IGSF11: variants seen among roughly 807,000 people sequenced by gnomAD.
IGSF11 encodes immunoglobulin superfamily member 11.
A neutral mutation model predicts 41.0 loss-of-function variants in IGSF11; 22 were observed. That is an observed-to-expected ratio of 0.54 (90% CI 0.38 to 0.77). The LOEUF is 0.77. Among genes scored for constraint, IGSF11 ranks in the 30% least tolerant of loss-of-function variants. The pLI is 0.00. For synonymous variants in IGSF11, 219 were observed against 201.3 expected (o/e 1.09, Z -0.74); for missense variants, 444 against 530.8 (o/e 0.84, Z 1.61).
chr3:118,907,675 C>T (rs905767934), intron 4 of IGSF11, among the ~76,000 whole-genome samples: 1 of 152,146 alleles, frequency 6.6e-6, no homozygotes, highest in African/African-American at 2.4e-5. Context: ...ATTTAATGTT[C>T]GTAACAAGCT....
chr3:118,985,051 G>A (rs1022105260), intron 1 of IGSF11, among the ~76,000 whole-genome samples: 9 of 152,104 alleles, frequency 5.9e-5, no homozygotes, highest in African/African-American at 2.2e-4. Context: ...CTAAACTTCT[G>A]TCTGAGATCT....
At chr3:118,939,248 A>G (rs9814712) in intron 1 of IGSF11, among the ~76,000 whole-genome samples, 3,640 of 152,308 alleles carry the variant, frequency 0.024, 149 homozygotes, top group African/African-American at 0.084. Flanking sequence ...CTCAATAGGA[A>G]GAAATCTAGA....
chr3:119,013,266 AC>A (rs1322000101), intron 1 of IGSF11: 1 of 152,220 alleles, frequency 6.6e-6, no homozygotes, highest in African/African-American at 2.4e-5. Context: ...TTGGTGATGG[AC>A]TCAGACTGGT....
intron 1 of IGSF11, among the ~76,000 whole-genome samples, chr3:118,971,951 T>C (rs190121659): frequency 6.6e-6 from 1 of 152,188 alleles, no homozygotes; most frequent in Non-Finnish European, 1.5e-5. Context: ...ATTCCCAACA[T>C]CATATTTAAA....
At chr3:119,110,151 C>T (rs1451636712), upstream of IGSF11, among the ~76,000 whole-genome samples, 4 of 152,132 alleles carry the variant, frequency 2.6e-5, no homozygotes, top group Non-Finnish European at 5.9e-5. Context: ...TCCTTGTCAA[C>T]TTTCTGTCTT....
At chr3:119,004,800 T>C (rs1937309291) in intron 1 of IGSF11, among the ~76,000 whole-genome samples, 1 of 151,784 alleles carries the variant, frequency 6.6e-6, no homozygotes. Context: ...TCCTGAGTTC[T>C]AGTTTGATTG....
chr3:118,949,428 A>C (rs1403810957), intron 1 of IGSF11: 1 of 152,192 alleles, frequency 6.6e-6, no homozygotes, highest in Admixed American at 6.5e-5. Context: ...AAGAAATACA[A>C]CACATGAACA....
intron 1 of IGSF11, among the ~76,000 whole-genome samples, chr3:119,074,752 T>C (rs2076463870): frequency 6.6e-6 from 1 of 151,948 alleles, no homozygotes; most frequent in Non-Finnish European, 1.5e-5. Flanking sequence ...CTCAGGAGGC[T>C]GAGGTGGGAG....
At chr3:119,077,457 A>G (rs570506168) in intron 1 of IGSF11, among the ~76,000 whole-genome samples, 1 of 152,300 alleles carries the variant, frequency 6.6e-6, no homozygotes, top group East Asian at 1.9e-4. Flanking sequence ...AATATGTACA[A>G]TTATATGTCA....
intron 4 of IGSF11, among the ~76,000 whole-genome samples, chr3:118,917,975 T>G (rs1285721605): frequency 7.4e-6 from 1 of 134,792 alleles, no homozygotes; most frequent in Non-Finnish European, 1.5e-5. Context: ...ATAAATGTAA[T>G]CCAGCATATA....
At chr3:119,122,118 G>GATTT (rs1430127418) in intron 1 of IGSF11, among the ~76,000 whole-genome samples, 2 of 152,214 alleles carry the variant, frequency 1.3e-5, no homozygotes, top group African/African-American at 2.4e-5. Context: ...CATAGTACCT[G>GATTT]ATTTTAATTT....
At chr3:118,955,282 C>T (rs1944881168) in intron 1 of IGSF11, among the ~76,000 whole-genome samples, 1 of 151,464 alleles carries the variant, frequency 6.6e-6, no homozygotes, top group South Asian at 2.1e-4. Flanking sequence ...GAATACTACT[C>T]AGCCATATAA....
intron 1 of IGSF11, among the ~76,000 whole-genome samples, chr3:119,066,449 A>G (rs1942236149): frequency 6.6e-6 from 1 of 152,162 alleles, no homozygotes; most frequent in African/African-American, 2.4e-5. Flanking sequence ...CTTCTTTCCC[A>G]ACTCTATCTT....
In IGSF11 at chr3:118,904,695, T is replaced by C; in HGVS notation, c.807A>G (p.Arg269=). 1 of 1,612,356 alleles carries C rather than the reference T, an allele frequency of 6.2e-7. No homozygotes were observed. Among genetic ancestry groups the C allele is most frequent in the Non-Finnish European group, 8.5e-7 (1 of 1,178,882 alleles). Residue 269 remains arginine (R), a synonymous_variant, in exon 6 of 7, where the codon AGA becomes AGG. Transcript: ENST00000393775. ...ALILGAFFYW[R]SKNKEEEEEE... ...CTTCTTCCTCCTCTTTATTTTTGCTTCTCCAGTAAAAGAATGCCCCTAAAA... is the reference window on the plus strand; with the variant it reads ...CTTCTTCCTCCTCTTTATTTTTGCTCCTCCAGTAAAAGAATGCCCCTAAAA...
intron 1 of IGSF11, among the ~76,000 whole-genome samples, chr3:119,124,265 CCTTT>C (rs1254782863): frequency 2.1e-5 from 2 of 95,428 alleles, no homozygotes; most frequent in Admixed American, 1.7e-4. Context: ...CACATCAGAG[CCTTT>C]TTTTTTTTTT....
intron 1 of IGSF11, among the ~76,000 whole-genome samples, chr3:119,026,433 C>T (rs1939835042): frequency 6.6e-6 from 1 of 152,240 alleles, no homozygotes; most frequent in Middle Eastern, 3.4e-3. Flanking sequence ...GTAGTAAAAA[C>T]TACTTTTCTT....
At chr3:118,916,407 G>A (rs1170719455) in intron 4 of IGSF11, among the ~76,000 whole-genome samples, 1 of 152,052 alleles carries the variant, frequency 6.6e-6, no homozygotes, top group Non-Finnish European at 1.5e-5. Flanking sequence ...AAAGGATGGA[G>A]GAAGATCTAC....
Position 118,920,268 on chromosome 3 carries a change from AC to A in IGSF11, c.580+5832del, listed in dbSNP as rs201550851. 8.4e-3 allele frequency among the ~76,000 whole-genome samples: 1,282 copies of A among 151,744 alleles called. 19 individuals carry two copies. The highest frequency in any genetic ancestry group is 0.028 in the African/African-American group (1,160 of 41,398). ...TAAAACTTAAAGTATAAAAAAAAAA[AC>A]AATAATGTGTCAGACATGATACAAG... On this transcript the variant is annotated intron_variant, in intron 4 of 6. Transcript: ENST00000393775.
intron 1 of IGSF11, among the ~76,000 whole-genome samples, chr3:119,128,769 A>G (rs1298908889): frequency 6.6e-6 from 1 of 152,202 alleles, no homozygotes; most frequent in Non-Finnish European, 1.5e-5. Context: ...TTCCTCAAGA[A>G]TCTAGAACCA....
Sources: allele counts gnomAD v4.1 joint callset (sites outside exome capture counted in the v4.1 genomes callset), GRCh38; gene constraint gnomAD v4.1.1; transcripts MANE v1.5; gene names NCBI Gene and HGNC (gene_info 2026-07-23, HGNC 2026-07-21).